FOXK1: variants seen among roughly 807,000 people sequenced by gnomAD.
FOXK1 encodes forkhead box protein K1.
In FOXK1, 19 loss-of-function variants were observed where a neutral mutation model predicts 51.9. That is an observed-to-expected ratio of 0.37 (90% CI 0.26 to 0.54). FOXK1 has a LOEUF of 0.54. Ranked by LOEUF, FOXK1 falls within the 20% of genes least tolerant of loss-of-function variation. The pLI, the probability that FOXK1 is intolerant of heterozygous loss-of-function variation, is 0.87. For missense variants in FOXK1, 870 were observed against 1,032.7 expected (o/e 0.84, Z 2.16); for synonymous variants, 537 against 482.6 (o/e 1.11, Z -1.48).
At chr7:4,757,712 G>C (rs1196389068) in intron 5 of FOXK1, among the ~76,000 whole-genome samples, 3 of 150,056 alleles carry the variant, frequency 2.0e-5, no homozygotes, top group Admixed American at 6.7e-5. Flanking sequence ...TTACATAGCA[G>C]GTACATTTGT....
rs1369186743 is a variant in FOXK1, at chr7:4,770,270, C to A, written c.*7806C>A. The stretch of plus-strand genomic sequence containing the variant: ...AAATATTTGGCCAGGTGCGGTGGCT[C>A]ATGCCCGTAATCCCAGCACTTTGGG... On this transcript the variant is annotated 3_prime_UTR_variant, in exon 9 of 9. Coordinates refer to ENST00000328914, the MANE Select transcript of FOXK1 (RefSeq NM_001037165.2). 6.6e-6 allele frequency: 1 copy of A among 152,044 alleles called. No homozygotes were observed. The highest frequency in any genetic ancestry group is 2.4e-5 in the African/African-American group (1 of 41,370). The allele number at this position is 152,044 out of a possible 1,614,324, so 9.4% of individuals were successfully genotyped here.
Position 4,749,082 on chromosome 7 carries a change from A to G in FOXK1, c.747-5377A>G, listed in dbSNP as rs1780742775. Among the ~76,000 whole-genome samples the G allele has an allele frequency of 6.6e-6, 1 of 151,434 alleles. No homozygotes were observed. Among genetic ancestry groups the G allele is most frequent in the African/African-American group, 2.4e-5 (1 of 41,106 alleles). On this transcript the variant is annotated intron_variant, in intron 2 of 8. Transcript: ENST00000328914. This position sits in a 1 kb window ranked among gnomAD's most constrained non-coding sequence, Gnocchi z 6.0. ...CCTTTCTCTCTCTACTTTCTGAGGG[A>G]TTTTCTCCAGTCTCTCCTTCCACCC...
intron 1 of FOXK1, among the ~76,000 whole-genome samples, chr7:4,688,883 G>A (rs1022218727): frequency 4.6e-5 from 7 of 152,074 alleles, no homozygotes; most frequent in South Asian, 2.1e-4. Flanking sequence ...GGTGGTGCAC[G>A]CAGAGGTGAA....
chr7:4,734,872 A>T lies in FOXK1; in HGVS notation c.561-5966A>T, dbSNP rs1279862219. On this transcript the variant is annotated intron_variant, in intron 1 of 8. Coordinates refer to ENST00000328914, the MANE Select transcript of FOXK1 (RefSeq NM_001037165.2). The surrounding 1 kb of genome is among the most constrained non-coding windows in gnomAD (Gnocchi z 5.2). ...TCCTTCCGCTGGGAGAGACGGGGCG[A>T]GGGGACAGCGGTGGACAGGAGCGAT... Among the ~76,000 whole-genome samples, 1 of 152,182 alleles carries T rather than the reference A, an allele frequency of 6.6e-6. No homozygotes were observed. Among genetic ancestry groups the T allele is most frequent in the Non-Finnish European group, 1.5e-5 (1 of 68,044 alleles).
chr7:4,724,255 G>T (rs1780351002), intron 1 of FOXK1, among the ~76,000 whole-genome samples: 1 of 152,138 alleles, frequency 6.6e-6, no homozygotes, highest in South Asian at 2.1e-4. Flanking sequence ...GAGTGCAGTG[G>T]TGCAATCTCG....
intron 1 of FOXK1, among the ~76,000 whole-genome samples, chr7:4,691,587 C>T (rs1442559897): frequency 2.0e-5 from 3 of 152,154 alleles, no homozygotes; most frequent in African/African-American, 4.8e-5. Flanking sequence ...CCACCCACCT[C>T]GGCCTCCCAA....
Position 4,683,170 on chromosome 7 carries a change from C to T in FOXK1, c.560+302C>T, listed in dbSNP as rs2115024746. ...ACCGGCCTGGACTCTGGGGTCAGCC[C>T]TGACCCACACCTTGCGGCTCCTGGG... is the stretch of plus-strand genomic sequence containing the variant. On this transcript the variant is annotated intron_variant, in intron 1 of 8. Coordinates refer to ENST00000328914, the MANE Select transcript of FOXK1 (RefSeq NM_001037165.2). The surrounding 1 kb of genome is among the most constrained non-coding windows in gnomAD (Gnocchi z 4.5). 6.6e-6 allele frequency among the ~76,000 whole-genome samples: 1 copy of T among 151,360 alleles called. No individual in the cohort carries two copies. Among genetic ancestry groups the T allele is most frequent in the East Asian group, 2.0e-4 (1 of 5,064 alleles).
Position 4,747,153 on chromosome 7 carries a change from G to C in FOXK1, c.746+6130G>C, listed in dbSNP as rs933516743. 6.6e-6 allele frequency among the ~76,000 whole-genome samples: 1 copy of C among 152,206 alleles called. No homozygotes were observed. Among genetic ancestry groups the C allele is most frequent in the African/African-American group, 2.4e-5 (1 of 41,446 alleles). The stretch of plus-strand genomic sequence containing the variant: ...CCACGCCCGCGTTTCCTGTAATCTC[G>C]GAGGGTCCTAGCGCCCGACTTCTCA... On this transcript the variant is annotated intron_variant, in intron 2 of 8. Coordinates refer to ENST00000328914, the MANE Select transcript of FOXK1 (RefSeq NM_001037165.2). This position sits in a 1 kb window ranked among gnomAD's most constrained non-coding sequence, Gnocchi z 9.2.
chr7:4,725,512 C>CT (rs1780369278), intron 1 of FOXK1, among the ~76,000 whole-genome samples: 1 of 152,260 alleles, frequency 6.6e-6, no homozygotes, highest in Non-Finnish European at 1.5e-5. Flanking sequence ...TCCGCTTTCT[C>CT]TTTCGCTCCG....
In FOXK1 at chr7:4,759,370, G is replaced by T. The variant is rs768275843; in HGVS notation, c.1471G>T (p.Val491Leu). The change falls in exon 7 of 9, where the codon GTG becomes TTG. Residue 491 changes from valine (V) to leucine (L), a missense_variant. Around this residue, in one of 3 missense-constraint regions of FOXK1, gnomAD observed 457 missense variants for 510.8 expected, o/e 0.89. Coordinates refer to ENST00000328914, the MANE Select transcript of FOXK1 (RefSeq NM_001037165.2). ...CGTGCCTCCCCGACCGTCCAGCCTC[G>T]TGGCCAAGCCCGTGGCCTACATGCC... Reference protein sequence around the residue: ...MAVPPRPSSLVAKPVAYMPAS... With the variant: ...MAVPPRPSSLLAKPVAYMPAS... 2 of 1,602,458 alleles carry T rather than the reference G, an allele frequency of 1.2e-6. No homozygotes were observed. Among genetic ancestry groups the T allele is most frequent in the Admixed American group, 3.3e-5 (2 of 59,896 alleles).
At position 4,705,963 on chromosome 7, in the gene FOXK1, TATATATATAC is replaced by T. The variant is rs1197917206; in HGVS notation, c.560+23096_560+23105del. Reference sequence around the variant, plus strand: ...TTTCAAAATTATATATATATATGTATATATATATACGTATATATACGTATATATACGTATA... The same window carrying T: ...TTTCAAAATTATATATATATATGTATGTATATATACGTATATATACGTATA... On this transcript the variant is annotated intron_variant, in intron 1 of 8. Transcript: ENST00000328914. Among the ~76,000 whole-genome samples the T allele has an allele frequency of 3.2e-3, 327 of 103,358 alleles. 10 individuals are homozygous for T. Among genetic ancestry groups the T allele is most frequent in the African/African-American group, 0.023 (314 of 13,512 alleles). The allele number at this position is 103,358 out of a possible 152,430, so 67.8% of individuals were successfully genotyped here. A position where few individuals can be genotyped will look rare whatever the true frequency, so the allele number is the denominator to read the frequency against.
At position 4,729,050 on chromosome 7, in the gene FOXK1, G is replaced by A. The variant is rs980153503; in HGVS notation, c.561-11788G>A. On this transcript the variant is annotated intron_variant, in intron 1 of 8. Coordinates refer to ENST00000328914, the MANE Select transcript of FOXK1 (RefSeq NM_001037165.2). This position sits in a 1 kb window ranked among gnomAD's most constrained non-coding sequence, Gnocchi z 6.2. ...TGAAAGTTAACCTGAATTGCTCGTC[G>A]CAAGCAAGCTCTGCCCGGGTCAGCC... 3.3e-5 allele frequency among the ~76,000 whole-genome samples: 5 copies of A among 152,228 alleles called. No homozygotes were observed. Among genetic ancestry groups the A allele is most frequent in the African/African-American group, 9.6e-5 (4 of 41,454 alleles).
rs200141052 is a variant in FOXK1, at chr7:4,717,996, CCT to C, written c.561-22841_561-22840del. On this transcript the variant is annotated intron_variant, in intron 1 of 8. Coordinates refer to ENST00000328914, the MANE Select transcript of FOXK1 (RefSeq NM_001037165.2). ...CCCTGGTTTATGGTTTTTTACTCCC[CCT>C]GTGTGCCATTTCAGTGTTGAAGGAA... is the stretch of plus-strand genomic sequence containing the variant. Among the ~76,000 whole-genome samples, 1,489 of 152,248 alleles carry C rather than the reference CCT, an allele frequency of 9.8e-3. 22 individuals are homozygous for C. The highest frequency in any genetic ancestry group is 0.023 in the African/African-American group (961 of 41,540).
At position 4,703,821 on chromosome 7, in the gene FOXK1, A is replaced by G. The variant is rs1454037480; in HGVS notation, c.560+20953A>G. Reference sequence around the variant, plus strand: ...GCAGCCTGCCGAGAGCTTTAGAGAGACTCCCCTAACCATGATTTAATCTGG... The same window carrying G: ...GCAGCCTGCCGAGAGCTTTAGAGAGGCTCCCCTAACCATGATTTAATCTGG... On this transcript the variant is annotated intron_variant, in intron 1 of 8. Transcript: ENST00000328914. The surrounding 1 kb of genome is among the most constrained non-coding windows in gnomAD (Gnocchi z 5.6). Among the ~76,000 whole-genome samples, 2 of 151,692 alleles carry G rather than the reference A, an allele frequency of 1.3e-5. No individual in the cohort carries two copies. Among genetic ancestry groups the G allele is most frequent in the Non-Finnish European group, 2.9e-5 (2 of 67,950 alleles).
In FOXK1 at chr7:4,735,907, A is replaced by C. The variant is rs1780546696; in HGVS notation, c.561-4931A>C. On this transcript the variant is annotated intron_variant, in intron 1 of 8. Transcript: ENST00000328914. The surrounding 1 kb of genome is among the most constrained non-coding windows in gnomAD (Gnocchi z 4.7). Reference sequence around the variant, plus strand: ...AGCGGCTCACACCTGTAATCCCAGCACTTTGAGAGGCTGATGCGGGTGGAT... The same window carrying C: ...AGCGGCTCACACCTGTAATCCCAGCCCTTTGAGAGGCTGATGCGGGTGGAT... Among the ~76,000 whole-genome samples, 1 of 152,190 alleles carries C rather than the reference A, an allele frequency of 6.6e-6. No homozygotes were observed. Among genetic ancestry groups the C allele is most frequent in the Non-Finnish European group, 1.5e-5 (1 of 68,034 alleles).
rs1302778345 is a variant in FOXK1 at position 4,758,958 on chromosome 7, C to T, written c.1245-93C>T. ...AGAGACGAGCTCCAGGGAGCGTGGG[C>T]GGGTGACGGCGCTGAGATGCGTGAT... On this transcript the variant is annotated intron_variant, in intron 5 of 8. Coordinates refer to ENST00000328914, the MANE Select transcript of FOXK1 (RefSeq NM_001037165.2). This position sits in a 1 kb window ranked among gnomAD's most constrained non-coding sequence, Gnocchi z 4.4. The T allele has an allele frequency of 1.8e-5, 24 of 1,349,938 alleles. No individual in the cohort carries two copies. Among genetic ancestry groups the T allele is most frequent in the Middle Eastern group, 2.7e-4 (1 of 3,760 alleles). The allele number at this position is 1,349,938 out of a possible 1,614,324, so 83.6% of individuals were successfully genotyped here.
Position 4,728,515 on chromosome 7 carries a change from G to A in FOXK1, c.561-12323G>A, listed in dbSNP as rs149709684. Among the ~76,000 whole-genome samples the A allele has an allele frequency of 7.0e-4, 107 of 152,278 alleles. 1 individual carries two copies. The highest frequency in any genetic ancestry group is 2.4e-3 in the African/African-American group (100 of 41,568). ...TCGTGTGCACTAAAGTGCACGTGCT[G>A]TGTGTGTACTGACCCTCTGCCCTGT... On this transcript the variant is annotated intron_variant, in intron 1 of 8. Coordinates refer to ENST00000328914, the MANE Select transcript of FOXK1 (RefSeq NM_001037165.2).
intron 1 of FOXK1, among the ~76,000 whole-genome samples, chr7:4,685,007 A>G (rs1279733476): frequency 2.6e-5 from 4 of 151,964 alleles, no homozygotes; most frequent in Non-Finnish European, 5.9e-5. Context: ...TGGGGCTGTC[A>G]GGCTACACAG....
intron 2 of FOXK1, among the ~76,000 whole-genome samples, chr7:4,751,775 C>T (rs1780782275): frequency 6.6e-6 from 1 of 152,246 alleles, no homozygotes; most frequent in African/African-American, 2.4e-5. Flanking sequence ...CGTACCTGTC[C>T]CGGCTGGAGT....
Sources: allele counts gnomAD v4.1 joint callset (sites outside exome capture counted in the v4.1 genomes callset), GRCh38; gene constraint gnomAD v4.1.1; regional missense constraint gnomAD v4.1.1; non-coding constraint Gnocchi (gnomAD v3.1); transcripts MANE v1.5; gene names NCBI Gene and HGNC (gene_info 2026-07-23, HGNC 2026-07-21).